NRG1: variants seen among roughly 807,000 people sequenced by gnomAD.
The protein encoded by NRG1 is neuregulin 1.
In NRG1, 18 loss-of-function variants were observed where a neutral mutation model predicts 63.8. The ratio of observed to expected loss-of-function variants is 0.28; its 90% CI spans 0.19 to 0.42. The LOEUF is 0.42. NRG1 is among the 10% of genes least tolerant of loss of function. The probability of loss-of-function intolerance (pLI) is 1.00; values close to 1 mark genes in which losing one functional copy is unlikely to be tolerated. For missense variants in NRG1, 762 were observed against 814.7 expected, an observed-to-expected ratio of 0.94 and a Z score of 0.79; for synonymous variants, 302 against 301.3, an observed-to-expected ratio of 1.00 and a Z score of -0.02.
chr8:32,634,099 TAAAAA>T (rs57478389), intron 5 of NRG1, among the ~76,000 whole-genome samples: 1 of 86,794 alleles, frequency 1.2e-5, no homozygotes, highest in African/African-American at 6.7e-5. Flanking sequence ...GATCTTGTCT[TAAAAA>T]AAAAAAAAAA....
upstream of NRG1, among the ~76,000 whole-genome samples, chr8:32,547,782 T>C (rs888138203): frequency 6.6e-6 from 1 of 152,032 alleles, no homozygotes; most frequent in African/African-American, 2.4e-5. Flanking sequence ...CTTAAGTGAG[T>C]TAAGGAATGA....
intron 1 of NRG1, among the ~76,000 whole-genome samples, chr8:31,724,109 G>A (rs773842481): frequency 7.0e-4 from 107 of 151,928 alleles, no homozygotes; most frequent in Non-Finnish European, 1.1e-3. Context: ...AATATTAGCC[G>A]GGCATGGTGG....
intron 1 of NRG1, among the ~76,000 whole-genome samples, chr8:32,570,450 A>G (rs1254755242): frequency 6.6e-6 from 1 of 152,164 alleles, no homozygotes; most frequent in Non-Finnish European, 1.5e-5. Flanking sequence ...ACTTTTAAAT[A>G]AAACTCTGAC....
At chr8:32,748,805 G>A (rs1828081302) in intron 7 of NRG1, 1 of 438,920 alleles carries the variant, frequency 2.3e-6, no homozygotes, top group Non-Finnish European at 4.6e-6. Context: ...GTGAGGCGTA[G>A]AATTGTCCTA....
intron 1 of NRG1, among the ~76,000 whole-genome samples, chr8:32,378,293 TG>T (rs1375336477): frequency 6.6e-6 from 1 of 152,172 alleles, no homozygotes; most frequent in Non-Finnish European, 1.5e-5. Context: ...CACCAAACTG[TG>T]CATTGTACAG....
chr8:32,749,337 G>A, intron 7 of NRG1: 1 of 607,138 alleles, frequency 1.6e-6, no homozygotes, highest in Non-Finnish European at 2.9e-6. Context: ...AAGACACAGT[G>A]TGCTGGTATT....
At chr8:32,085,859 T>A (rs1828140243) in intron 1 of NRG1, among the ~76,000 whole-genome samples, 1 of 152,198 alleles carries the variant, frequency 6.6e-6, no homozygotes, top group Admixed American at 6.5e-5. Context: ...GTCATCAGCT[T>A]GGGTTCTGTT....
chr8:32,049,446 C>T (rs1821621123), intron 1 of NRG1, among the ~76,000 whole-genome samples: 1 of 152,098 alleles, frequency 6.6e-6, no homozygotes, highest in Non-Finnish European at 1.5e-5. Flanking sequence ...ATTTATTTTT[C>T]ATTGAGCCTC....
At chr8:32,303,225 AAAAG>A (rs1855813557) in intron 1 of NRG1, among the ~76,000 whole-genome samples, 1 of 151,632 alleles carries the variant, frequency 6.6e-6, no homozygotes, top group African/African-American at 2.4e-5. Flanking sequence ...GAAAGAAAAG[AAAAG>A]ATGAACATGT....
At chr8:32,481,159 C>T (rs1011547274) in intron 1 of NRG1, among the ~76,000 whole-genome samples, 3 of 151,984 alleles carry the variant, frequency 2.0e-5, no homozygotes, top group Non-Finnish European at 4.4e-5. Context: ...GCCTGGGCAA[C>T]ATGATGAAAT....
chr8:32,414,948 G>A (rs1202997149), intron 1 of NRG1, among the ~76,000 whole-genome samples: 1 of 152,048 alleles, frequency 6.6e-6, no homozygotes, highest in Non-Finnish European at 1.5e-5. Flanking sequence ...GAAAAACAGC[G>A]ATCTCATCCA....
In NRG1 at chr8:32,447,111, C is replaced by T. The variant is rs1820356824; in HGVS notation, c.38-148717C>T. Reference sequence around the variant, plus strand: ...TCACTGCAACCTCCACTTGAACCTCCAGGTTCAAGTGATTCTCCTTGCCTC... The same window carrying T: ...TCACTGCAACCTCCACTTGAACCTCTAGGTTCAAGTGATTCTCCTTGCCTC... On this transcript the variant is annotated intron_variant, in intron 1 of 10. Transcript: ENST00000519301. 2.0e-5 allele frequency among the ~76,000 whole-genome samples: 3 copies of T among 151,944 alleles called. No homozygotes were observed. In the South Asian group the frequency reaches 6.2e-4, roughly 32 times the overall value.
chr8:32,695,294 T>G (rs1202617731), intron 5 of NRG1, among the ~76,000 whole-genome samples: 2 of 151,790 alleles, frequency 1.3e-5, no homozygotes, highest in Admixed American at 1.3e-4. Flanking sequence ...TGAGCTATGA[T>G]GGTGCCACTG....
chr8:32,714,600 A>G (rs548502419), intron 5 of NRG1, among the ~76,000 whole-genome samples: 1 of 152,384 alleles, frequency 6.6e-6, no homozygotes, highest in African/African-American at 2.4e-5. Context: ...GTGATGAGAT[A>G]TAATTAAGCA....
At chr8:31,877,451 C>A (rs1471192998) in intron 1 of NRG1, among the ~76,000 whole-genome samples, 2 of 151,780 alleles carry the variant, frequency 1.3e-5, no homozygotes, top group African/African-American at 4.8e-5. Flanking sequence ...ATCTCTCTCT[C>A]TCTGTCTCTG....
chr8:31,731,886 C>A (rs1376556555), intron 1 of NRG1, among the ~76,000 whole-genome samples: 1 of 151,982 alleles, frequency 6.6e-6, no homozygotes, highest in African/African-American at 2.4e-5. Context: ...GTCATTTGAC[C>A]CAATATTTTC....
At chr8:32,746,680 G>C (rs1466450493) in intron 7 of NRG1, among the ~76,000 whole-genome samples, 1 of 152,010 alleles carries the variant, frequency 6.6e-6, no homozygotes, top group African/African-American at 2.4e-5. Flanking sequence ...TGTAGAAAAG[G>C]AAACTAGATT....
chr8:31,986,995 G>T (rs189508115), intron 1 of NRG1, among the ~76,000 whole-genome samples: 21 of 152,150 alleles, frequency 1.4e-4, no homozygotes, highest in African/African-American at 4.8e-4. Flanking sequence ...AAATAAGTCT[G>T]GCAGTTAAAA....
chr8:32,681,183 G>C (rs2128916301), intron 5 of NRG1, among the ~76,000 whole-genome samples: 1 of 152,168 alleles, frequency 6.6e-6, no homozygotes, highest in East Asian at 1.9e-4. Context: ...AAAGTTTTCT[G>C]GTAATCTGCA....
Sources: gnomAD v4.1 joint callset for allele counts (sites outside exome capture counted in the v4.1 genomes callset) on GRCh38, gnomAD v4.1.1 for gene constraint, MANE v1.5 for transcripts, NCBI Gene and HGNC (gene_info 2026-07-23, HGNC 2026-07-21) for gene names.